ATRNL1: variants seen among roughly 807,000 people sequenced by gnomAD.
ATRNL1 encodes attractin like 1, also known as attractin-like protein 1.
A neutral mutation model predicts 182.7 loss-of-function variants in ATRNL1; 95 were observed. The observed-to-expected ratio is 0.52, with a 90% CI of 0.44 to 0.62. ATRNL1 has a LOEUF of 0.62. Among genes scored for constraint, ATRNL1 ranks in the 20% least tolerant of loss-of-function variants. The probability of loss-of-function intolerance (pLI) is 0.00; values close to 1 mark genes in which losing one functional copy is unlikely to be tolerated. For synonymous variants in ATRNL1, 576 were observed against 568.3 expected (o/e 1.01, Z -0.19); for missense variants, 1,471 against 1,679.5 (o/e 0.88, Z 2.17).
intron 1 of ATRNL1, among the ~76,000 whole-genome samples, chr10:115,119,327 G>A (rs1051097891): frequency 1.3e-5 from 2 of 151,748 alleles, no homozygotes; most frequent in Non-Finnish European, 2.9e-5. Context: ...AGTAGATAAT[G>A]GCCCTGATAT....
chr10:115,258,501 T>C (rs1233749727), intron 10 of ATRNL1, among the ~76,000 whole-genome samples: 1 of 152,144 alleles, frequency 6.6e-6, no homozygotes, highest in African/African-American at 2.4e-5. Context: ...TTTATCCTAG[T>C]TAGCCATTCG....
At chr10:115,404,979 T>C (rs1405429880) in intron 20 of ATRNL1, among the ~76,000 whole-genome samples, 1 of 152,142 alleles carries the variant, frequency 6.6e-6, no homozygotes, top group East Asian at 1.9e-4. Flanking sequence ...CAATACATGA[T>C]AGAATTGTTG....
chr10:115,927,881 G>A (rs1008268407), intron 28 of ATRNL1, among the ~76,000 whole-genome samples: 16 of 152,034 alleles, frequency 1.1e-4, no homozygotes, highest in Admixed American at 1.0e-3. Flanking sequence ...CTTAGGGACA[G>A]GAAGTAGTAT....
At chr10:115,428,168 A>G (rs1421447961) in intron 21 of ATRNL1, among the ~76,000 whole-genome samples, 3 of 151,952 alleles carry the variant, frequency 2.0e-5, no homozygotes, top group African/African-American at 7.2e-5. Context: ...TTGTGATGCT[A>G]TTGATAATGT....
At chr10:115,241,285 T>A (rs1850408747) in intron 9 of ATRNL1, among the ~76,000 whole-genome samples, 1 of 151,644 alleles carries the variant, frequency 6.6e-6, no homozygotes, top group Non-Finnish European at 1.5e-5. Context: ...TTGTTTCCTA[T>A]CTTTGTAAAT....
At chr10:115,669,858 G>A (rs1286454030) in intron 26 of ATRNL1, among the ~76,000 whole-genome samples, 1 of 152,004 alleles carries the variant, frequency 6.6e-6, no homozygotes, top group African/African-American at 2.4e-5. Context: ...TTTTTCACCT[G>A]AATTCCCAGC....
At chr10:115,527,997 C>T (rs1209459956) in intron 25 of ATRNL1, among the ~76,000 whole-genome samples, 1 of 10,414 alleles carries the variant, frequency 9.6e-5, no homozygotes, top group African/African-American at 8.1e-4. Context: ...TCCCTCCCTC[C>T]CTTCCTTCCT....
intron 27 of ATRNL1, among the ~76,000 whole-genome samples, chr10:115,736,357 A>G (rs1593145673): frequency 6.6e-6 from 1 of 152,002 alleles, no homozygotes; most frequent in Admixed American, 6.6e-5. Flanking sequence ...ATTACTTTCT[A>G]AAGTTATATT....
At chr10:115,808,393 A>G (rs1427101096) in intron 27 of ATRNL1, among the ~76,000 whole-genome samples, 1 of 152,154 alleles carries the variant, frequency 6.6e-6, no homozygotes, top group African/African-American at 2.4e-5. Flanking sequence ...AAATATCCTG[A>G]TTATGGATAT....
At chr10:115,549,068 T>C (rs1342527615) in intron 25 of ATRNL1, among the ~76,000 whole-genome samples, 1 of 152,096 alleles carries the variant, frequency 6.6e-6, no homozygotes, top group Non-Finnish European at 1.5e-5. Context: ...TATAAAATAG[T>C]GATAAAAATA....
chr10:115,300,052 G>C lies in ATRNL1; in HGVS notation c.2434G>C (p.Gly812Arg), dbSNP rs1554923920. The change falls in exon 16 of 29, where the codon GGC becomes CGC. Residue 812 changes from glycine (G) to arginine (R), a missense_variant. Gly to Arg is a moderately radical substitution (Grantham distance 125, BLOSUM62 -2). Around this residue, in one of 3 missense-constraint regions of ATRNL1, gnomAD observed 1,031 missense variants for 1,156.0 expected, o/e 0.89. Coordinates refer to ENST00000355044, the MANE Select transcript of ATRNL1 (RefSeq NM_207303.4). ...YTQQKVSPWV[G>R]LRKINISYWG... ...TTTACAGAAAGTATCACCTTGGGTA[G>C]GCTTGCGCAAGATCAATATATCCTA... 1 of 1,612,232 alleles carries C rather than the reference G, an allele frequency of 6.2e-7. No homozygotes were observed. The highest frequency in any genetic ancestry group is 8.5e-7 in the Non-Finnish European group (1 of 1,178,874).
At chr10:115,907,176 A>C (rs1952529555) in intron 28 of ATRNL1, among the ~76,000 whole-genome samples, 1 of 152,200 alleles carries the variant, frequency 6.6e-6, no homozygotes, top group African/African-American at 2.4e-5. Flanking sequence ...GCTTTGCTTT[A>C]ATGTCCATTC....
At chr10:115,812,539 C>A (rs782452020) in intron 27 of ATRNL1, among the ~76,000 whole-genome samples, 5 of 152,124 alleles carry the variant, frequency 3.3e-5, no homozygotes, top group African/African-American at 1.2e-4. Flanking sequence ...TGCAATGGCA[C>A]GATCTCGGCT....
At chr10:115,545,913 A>G (rs1468831924) in intron 25 of ATRNL1, among the ~76,000 whole-genome samples, 1 of 152,174 alleles carries the variant, frequency 6.6e-6, no homozygotes, top group Non-Finnish European at 1.5e-5. Flanking sequence ...GGGGAAAGGG[A>G]AGAACTTGCA....
chr10:115,771,610 T>C (rs1948995397), intron 27 of ATRNL1, among the ~76,000 whole-genome samples: 1 of 152,216 alleles, frequency 6.6e-6, no homozygotes, highest in Non-Finnish European at 1.5e-5. Flanking sequence ...TTTTTTATTA[T>C]ATTTTCAGCA....
chr10:115,817,930 T>C (rs1950205204), intron 27 of ATRNL1, among the ~76,000 whole-genome samples: 1 of 151,220 alleles, frequency 6.6e-6, no homozygotes, highest in Admixed American at 6.6e-5. Context: ...CTTGAAGTTA[T>C]CGTGGCTCCA....
intron 27 of ATRNL1, among the ~76,000 whole-genome samples, chr10:115,785,781 C>T (rs1429723378): frequency 2.0e-5 from 3 of 152,192 alleles, no homozygotes; most frequent in African/African-American, 7.2e-5. Flanking sequence ...TCTTCCCTCT[C>T]GCATTTTACC....
chr10:115,157,589 G>C (rs782644707), intron 5 of ATRNL1, among the ~76,000 whole-genome samples: 1 of 151,872 alleles, frequency 6.6e-6, no homozygotes, highest in Non-Finnish European at 1.5e-5. Context: ...CTTCAGATCC[G>C]GGACTGCAGC....
At chr10:115,534,942 C>A (rs1228493910) in intron 25 of ATRNL1, among the ~76,000 whole-genome samples, 12 of 152,290 alleles carry the variant, frequency 7.9e-5, no homozygotes, top group African/African-American at 1.9e-4. Context: ...GGCCCCCACT[C>A]TATTCTGGCT....
Sources: allele counts gnomAD v4.1 joint callset (sites outside exome capture counted in the v4.1 genomes callset), GRCh38; gene constraint gnomAD v4.1.1; regional missense constraint gnomAD v4.1.1; transcripts MANE v1.5; gene names NCBI Gene and HGNC (gene_info 2026-07-23, HGNC 2026-07-21).